The following NALF1 variants were observed in gnomAD, a reference collection of about 807,000 sequenced individuals.
NALF1 encodes NALCN channel auxiliary factor 1, also known as family with sequence similarity 155 member A.
Under a neutral mutation model 48.4 loss-of-function variants are expected in NALF1, and 3 were observed. The observed-to-expected ratio is 0.06, with a 90% CI of 0.03 to 0.16. The LOEUF (loss-of-function observed/expected upper bound fraction) is 0.16. Among genes scored for constraint, NALF1 ranks in the 10% least tolerant of loss-of-function variants. NALF1 has a pLI of 1.00. For synonymous variants in NALF1, 262 were observed against 245.7 expected (o/e 1.07, Z -0.62); for missense variants, 526 against 571.5 (o/e 0.92, Z 0.81).
At chr13:107,384,345 T>G (rs1003433638) in intron 1 of NALF1, among the ~76,000 whole-genome samples, 2 of 152,200 alleles carry the variant, frequency 1.3e-5, no homozygotes, top group African/African-American at 4.8e-5. Context: ...CTAATGTCCA[T>G]GTACCTTTAC....
intron 1 of NALF1, among the ~76,000 whole-genome samples, chr13:107,759,487 C>A (rs1027190415): frequency 6.6e-6 from 1 of 152,154 alleles, no homozygotes; most frequent in African/African-American, 2.4e-5. Context: ...GGATTACAGG[C>A]GTGGGCCACC....
intron 1 of NALF1, among the ~76,000 whole-genome samples, chr13:107,320,701 C>A (rs1025600851): frequency 6.6e-6 from 1 of 151,972 alleles, no homozygotes; most frequent in Non-Finnish European, 1.5e-5. Context: ...AAAGGATCTA[C>A]GACAGGACAA....
intron 2 of NALF1, among the ~76,000 whole-genome samples, chr13:107,191,444 A>G (rs1316571961): frequency 6.6e-6 from 1 of 152,180 alleles, no homozygotes; most frequent in Non-Finnish European, 1.5e-5. Context: ...GATGCAGATT[A>G]CATTTTATTT....
chr13:107,657,748 G>A (rs9520539), intron 1 of NALF1, among the ~76,000 whole-genome samples: 51,513 of 151,906 alleles, frequency 0.34, 9,901 homozygotes, highest in African/African-American at 0.52. Flanking sequence ...GTTATTTCGA[G>A]GTATATGCAT....
intron 1 of NALF1, among the ~76,000 whole-genome samples, chr13:107,264,738 T>C (rs986853824): frequency 6.6e-6 from 1 of 152,240 alleles, no homozygotes; most frequent in Admixed American, 6.5e-5. Flanking sequence ...TTTGCCTTTA[T>C]CATTTCTAAC....
intron 1 of NALF1, among the ~76,000 whole-genome samples, chr13:107,380,899 A>G (rs538741722): frequency 1.1e-3 from 157 of 149,522 alleles, no homozygotes; most frequent in African/African-American, 3.6e-3. Context: ...AATGGCATGA[A>G]CCTGGGAGGC....
At chr13:107,236,686 T>C (rs1181174580) in intron 1 of NALF1, among the ~76,000 whole-genome samples, 3 of 129,454 alleles carry the variant, frequency 2.3e-5, no homozygotes, top group African/African-American at 9.2e-5. Flanking sequence ...TCTATCTATC[T>C]ATCTATCTAT....
intron 1 of NALF1, among the ~76,000 whole-genome samples, chr13:107,674,153 G>A (rs1173703285): frequency 6.7e-6 from 1 of 149,620 alleles, no homozygotes; most frequent in Non-Finnish European, 1.5e-5. Context: ...TCAATGGAAA[G>A]GTTAAAAAAA....
rs956266383 is a variant in NALF1 at position 107,169,234 on chromosome 13, G to C, written c.*1263C>G. The C allele has an allele frequency of 5.9e-5, 9 of 152,202 alleles. No homozygotes were observed. The highest frequency in any genetic ancestry group is 2.2e-4 in the African/African-American group (9 of 41,412). The allele number at this position is 152,202 out of a possible 1,614,324, so 9.4% of individuals were successfully genotyped here. A position where few individuals can be genotyped will look rare whatever the true frequency, so the allele number is the denominator to read the frequency against. ...GACCTATTTATTTTTTAAAAAAGAA[G>C]TTGTTCCTCTGTGATAATGCAGAAT... On this transcript the variant is annotated 3_prime_UTR_variant, in exon 3 of 3. Transcript: ENST00000375915.
chr13:107,350,460 C>T (rs891978450), intron 1 of NALF1, among the ~76,000 whole-genome samples: 4 of 152,160 alleles, frequency 2.6e-5, no homozygotes, highest in African/African-American at 4.8e-5. Context: ...AAACCCGTTG[C>T]TAGTCCTCTT....
rs146404450 is a variant in NALF1 at position 107,779,000 on chromosome 13, C to G, written c.915+86682G>C. ...ACTCTTCTTAACCTTACCTTCTCTA[C>G]AGTCAATAGTCAAGTTCTGCTGCTT... is the stretch of plus-strand genomic sequence containing the variant. On this transcript the variant is annotated intron_variant, in intron 1 of 2. Coordinates refer to ENST00000375915, the MANE Select transcript of NALF1 (RefSeq NM_001080396.3). Among the ~76,000 whole-genome samples, 125 of 152,324 alleles carry G rather than the reference C, an allele frequency of 8.2e-4. 1 individual carries two copies. In the East Asian group the frequency reaches 0.021, roughly 26 times the overall value.
intron 1 of NALF1, among the ~76,000 whole-genome samples, chr13:107,762,793 A>C (rs1037115264): frequency 6.6e-6 from 1 of 152,248 alleles, no homozygotes; most frequent in Non-Finnish European, 1.5e-5. Context: ...CAGTACATTT[A>C]ACAATGGTTA....
chr13:107,406,567 T>C (rs1289490808), intron 1 of NALF1, among the ~76,000 whole-genome samples: 1 of 151,990 alleles, frequency 6.6e-6, no homozygotes, highest in East Asian at 1.9e-4. Flanking sequence ...AGAATCAACA[T>C]TGTCAAAATG....
intron 1 of NALF1, among the ~76,000 whole-genome samples, chr13:107,610,945 C>T (rs61965951): frequency 0.03 from 4,515 of 152,068 alleles, 69 homozygotes; most frequent in African/African-American, 0.051. Context: ...AAAACCCAAC[C>T]GTATGTTTTG....
intron 1 of NALF1, among the ~76,000 whole-genome samples, chr13:107,648,045 G>C (rs1005676847): frequency 1.3e-5 from 2 of 152,076 alleles, no homozygotes; most frequent in Non-Finnish European, 2.9e-5. Context: ...TAATCAATGA[G>C]TTACATTTTA....
At chr13:107,608,598 G>A (rs557276720) in intron 1 of NALF1, among the ~76,000 whole-genome samples, 5 of 152,276 alleles carry the variant, frequency 3.3e-5, no homozygotes, top group South Asian at 4.1e-4. Flanking sequence ...GTGGTTGGGG[G>A]AAGCCACACT....
intron 1 of NALF1, among the ~76,000 whole-genome samples, chr13:107,532,860 A>G (rs1475353413): frequency 6.6e-6 from 1 of 152,240 alleles, no homozygotes; most frequent in South Asian, 2.1e-4. Flanking sequence ...TATTGCAATT[A>G]TATTAACTGA....
At chr13:107,818,871 C>CAAAAAAAAAAAAAA (rs774372636) in intron 1 of NALF1, among the ~76,000 whole-genome samples, 92 of 73,800 alleles carry the variant, frequency 1.2e-3, no homozygotes, top group Admixed American at 1.9e-3. Context: ...GACTCCGTCT[C>CAAAAAAAAAAAAAA]AAAAAAAAAA....
At chr13:107,770,821 A>C (rs16971086) in intron 1 of NALF1, among the ~76,000 whole-genome samples, 11,593 of 152,104 alleles carry the variant, frequency 0.076, 518 homozygotes, top group African/African-American at 0.1. Context: ...CCTGACTTAC[A>C]TTTTTCTCTT....
Sources: gnomAD v4.1 joint callset for allele counts (sites outside exome capture counted in the v4.1 genomes callset) on GRCh38, gnomAD v4.1.1 for gene constraint, MANE v1.5 for transcripts, NCBI Gene and HGNC (gene_info 2026-07-23, HGNC 2026-07-21) for gene names.